TMTC1: variants seen among roughly 807,000 people sequenced by gnomAD.
TMTC1 encodes protein O-mannosyl-transferase TMTC1.
TMTC1 carries 73 observed loss-of-function variants against 104.8 expected under a neutral mutation model. The ratio of observed to expected loss-of-function variants is 0.70; its 90% CI spans 0.58 to 0.85. The LOEUF (loss-of-function observed/expected upper bound fraction) is 0.85. Among genes scored for constraint, TMTC1 ranks in the 40% least tolerant of loss-of-function variants. The probability of loss-of-function intolerance (pLI) is 0.00; values close to 1 mark genes in which losing one functional copy is unlikely to be tolerated. For synonymous variants in TMTC1, 434 were observed against 428.7 expected (o/e 1.01, Z -0.15); for missense variants, 1,035 against 1,096.1 (o/e 0.94, Z 0.79).
At chr12:29,669,517 A>G (rs143758274) in intron 5 of TMTC1, among the ~76,000 whole-genome samples, 50 of 152,338 alleles carry the variant, frequency 3.3e-4, no homozygotes, top group African/African-American at 1.1e-3. Context: ...GACATGGTGA[A>G]CACCAGGAAG....
At chr12:29,676,218 T>C (rs1278311126) in intron 5 of TMTC1, among the ~76,000 whole-genome samples, 3 of 152,240 alleles carry the variant, frequency 2.0e-5, no homozygotes, top group Non-Finnish European at 2.9e-5. Context: ...CAGATATCCA[T>C]TTTAATTTTT....
intron 9 of TMTC1, among the ~76,000 whole-genome samples, chr12:29,559,795 A>G (rs1945334957): frequency 6.6e-6 from 1 of 152,184 alleles, no homozygotes; most frequent in Non-Finnish European, 1.5e-5. Context: ...ACCTGCTAGC[A>G]ATATCCTTTC....
chr12:29,643,979 A>ATATAAATATATAATTTATATATAAAT (rs1939113197), intron 5 of TMTC1, among the ~76,000 whole-genome samples: 2 of 111,730 alleles, frequency 1.8e-5, no homozygotes, highest in Non-Finnish European at 3.4e-5. Flanking sequence ...ATATAAATAT[A>ATATAAATATATAATTTATATATAAAT]TATAAATATA....
chr12:29,515,073 C>CA (rs1943946451), intron 15 of TMTC1, among the ~76,000 whole-genome samples: 1 of 152,092 alleles, frequency 6.6e-6, no homozygotes, highest in Admixed American at 6.6e-5. Context: ...GTGGCCCTGA[C>CA]AAAATAACTT....
At chr12:29,643,916 AAT>A (rs1228323711) in intron 5 of TMTC1, among the ~76,000 whole-genome samples, 5 of 108,224 alleles carry the variant, frequency 4.6e-5, no homozygotes, top group East Asian at 4.7e-4. Flanking sequence ...ATTATATATA[AAT>A]ATATATAAAT....
intron 5 of TMTC1, among the ~76,000 whole-genome samples, chr12:29,737,289 C>T (rs1158755966): frequency 6.6e-6 from 1 of 152,064 alleles, no homozygotes; most frequent in Non-Finnish European, 1.5e-5. Context: ...GAAGCTGAGG[C>T]GGGCGGATCA....
At chr12:29,729,332 A>G (rs1942486489) in intron 5 of TMTC1, among the ~76,000 whole-genome samples, 1 of 151,784 alleles carries the variant, frequency 6.6e-6, no homozygotes, top group Admixed American at 6.6e-5. Context: ...GGATCTCTCC[A>G]GTTTGTGCTC....
At chr12:29,713,127 C>T (rs1941976848) in intron 5 of TMTC1, among the ~76,000 whole-genome samples, 1 of 151,962 alleles carries the variant, frequency 6.6e-6, no homozygotes, top group African/African-American at 2.4e-5. Flanking sequence ...CGTCTCCAGA[C>T]TGCAACGTGG....
At chr12:29,784,726 T>C (rs569102774), upstream of TMTC1, 3 of 152,244 alleles carry the variant, frequency 2.0e-5, no homozygotes, top group African/African-American at 7.2e-5. Context: ...TCAAGATAAT[T>C]TGGGAGATGC....
At chr12:29,675,839 T>G (rs1332123506) in intron 5 of TMTC1, among the ~76,000 whole-genome samples, 1 of 152,104 alleles carries the variant, frequency 6.6e-6, no homozygotes, top group African/African-American at 2.4e-5. Context: ...CATTGTTCCA[T>G]GAAAGTAACA....
intron 5 of TMTC1, among the ~76,000 whole-genome samples, chr12:29,652,811 C>T (rs937636084): frequency 1.3e-5 from 2 of 152,186 alleles, no homozygotes. Flanking sequence ...CCTGAAATTC[C>T]AGCATTTTGG....
chr12:29,637,042 T>G (rs1441358084), intron 5 of TMTC1, among the ~76,000 whole-genome samples: 1 of 149,948 alleles, frequency 6.7e-6, no homozygotes, highest in Admixed American at 6.7e-5. Context: ...CCTAGAGCAA[T>G]AGAGCAAGAT....
At chr12:29,720,302 C>A (rs1942202566) in intron 5 of TMTC1, among the ~76,000 whole-genome samples, 1 of 152,190 alleles carries the variant, frequency 6.6e-6, no homozygotes, top group Non-Finnish European at 1.5e-5. Flanking sequence ...GGAAAGGGAG[C>A]TGAGCACATC....
intron 5 of TMTC1, among the ~76,000 whole-genome samples, chr12:29,652,926 G>C (rs952386421): frequency 3.3e-5 from 5 of 152,098 alleles, no homozygotes; most frequent in African/African-American, 1.2e-4. Context: ...GCTGGGTGTG[G>C]TGGTATACGC....
At chr12:29,635,392 T>C (rs1230321512) in intron 5 of TMTC1, among the ~76,000 whole-genome samples, 2 of 152,130 alleles carry the variant, frequency 1.3e-5, no homozygotes, top group South Asian at 2.1e-4. Flanking sequence ...CCATCAAACT[T>C]AGAAGAAAAA....
chr12:29,637,802 G>C (rs967010014), intron 5 of TMTC1, among the ~76,000 whole-genome samples: 2 of 152,142 alleles, frequency 1.3e-5, no homozygotes, highest in Non-Finnish European at 2.9e-5. Flanking sequence ...TCTATGATAG[G>C]TACATATGAA....
At chr12:29,556,157 C>G (rs299479) in intron 10 of TMTC1, among the ~76,000 whole-genome samples, 2 of 151,804 alleles carry the variant, frequency 1.3e-5, no homozygotes, top group African/African-American at 4.8e-5. Flanking sequence ...AATAAACACA[C>G]AAGATGCAAA....
intron 7 of TMTC1, among the ~76,000 whole-genome samples, chr12:29,591,535 C>T (rs1946281226): frequency 6.6e-6 from 1 of 152,198 alleles, no homozygotes; most frequent in Non-Finnish European, 1.5e-5. Flanking sequence ...TGTGGTTTAG[C>T]TCAGTGCTAA....
chr12:29,740,393 G>T (rs1942793068), intron 5 of TMTC1, among the ~76,000 whole-genome samples: 1 of 152,052 alleles, frequency 6.6e-6, no homozygotes, highest in Admixed American at 6.5e-5. Context: ...TATAAAGCAG[G>T]CAGAAAAGCA....
Sources: gnomAD v4.1 joint callset for allele counts (sites outside exome capture counted in the v4.1 genomes callset) on GRCh38, gnomAD v4.1.1 for gene constraint, MANE v1.5 for transcripts, NCBI Gene and HGNC (gene_info 2026-07-23, HGNC 2026-07-21) for gene names.